The following FILIP1L variants were observed in gnomAD, a reference collection of about 807,000 sequenced individuals.
FILIP1L encodes the protein filamin A interacting protein 1 like.
In FILIP1L, 55 loss-of-function variants were observed where a neutral mutation model predicts 96.6. That is an observed-to-expected ratio of 0.57 (90% confidence interval 0.46 to 0.71). The LOEUF (loss-of-function observed/expected upper bound fraction) is 0.71, where lower values mean the gene tolerates loss of function less well. FILIP1L is among the 30% of genes least tolerant of loss of function. The pLI is 0.00. For missense variants in FILIP1L, 1,304 were observed against 1,321.2 expected (o/e 0.99, Z 0.20); for synonymous variants, 467 against 473.9 (o/e 0.99, Z 0.19).
chr3:99,861,748 C>G (rs1397293987), intron 4 of FILIP1L, among the ~76,000 whole-genome samples: 1 of 152,132 alleles, frequency 6.6e-6, no homozygotes, highest in Non-Finnish European at 1.5e-5. Flanking sequence ...TACCGAAGCA[C>G]CAATAGGAAC....
At chr3:99,832,018 G>A (rs1257674213) in intron 5 of FILIP1L, among the ~76,000 whole-genome samples, 8 of 152,166 alleles carry the variant, frequency 5.3e-5, no homozygotes, top group Non-Finnish European at 8.8e-5. Context: ...ACACTGATAC[G>A]TGTTGGTGAA....
intron 5 of FILIP1L, among the ~76,000 whole-genome samples, chr3:99,830,966 C>A (rs1232933652): frequency 3.3e-5 from 5 of 152,290 alleles, no homozygotes; most frequent in South Asian, 2.1e-4. Context: ...TTTAAGAGTG[C>A]TTCATGAAGA....
chr3:99,924,179 G>C (rs1707213854), intron 4 of FILIP1L, 51 bp downstream of exon 4: 1 of 1,475,406 alleles, frequency 6.8e-7, no homozygotes, highest in Non-Finnish European at 9.4e-7. Context: ...TGGTACAGTG[G>C]CCAGCTCATA....
At chr3:100,113,040 T>G (rs2066516479) in intron 1 of FILIP1L, among the ~76,000 whole-genome samples, 1 of 152,214 alleles carries the variant, frequency 6.6e-6, no homozygotes, top group South Asian at 2.1e-4. Context: ...TTTATGCATA[T>G]CTAATACACA....
intron 1 of FILIP1L, among the ~76,000 whole-genome samples, chr3:100,011,131 C>A (rs953706550): frequency 6.6e-6 from 1 of 152,016 alleles, no homozygotes; most frequent in Non-Finnish European, 1.5e-5. Flanking sequence ...ACAAAGGAGT[C>A]GTTTCATGAC....
At chr3:100,034,824 ACT>A (rs2065079633) in intron 1 of FILIP1L, among the ~76,000 whole-genome samples, 1 of 152,076 alleles carries the variant, frequency 6.6e-6, no homozygotes, top group South Asian at 2.1e-4. Flanking sequence ...GAGAATATCC[ACT>A]CTGATCAGTA....
intron 5 of FILIP1L, among the ~76,000 whole-genome samples, chr3:99,842,589 C>A (rs945359391): frequency 6.6e-6 from 1 of 151,172 alleles, no homozygotes; most frequent in Admixed American, 6.6e-5. Flanking sequence ...GAAGAACTCA[C>A]TAAAATAAGA....
chr3:99,840,031 T>C (rs903525314), intron 5 of FILIP1L, among the ~76,000 whole-genome samples: 9 of 152,012 alleles, frequency 5.9e-5, no homozygotes, highest in Admixed American at 2.6e-4. Flanking sequence ...ATTGTCACAG[T>C]TGGGGGATGC....
chr3:99,983,442 GTA>G (rs1559713546), intron 1 of FILIP1L, among the ~76,000 whole-genome samples: 9 of 12,014 alleles, frequency 7.5e-4, no homozygotes, highest in Non-Finnish European at 1.5e-3. Context: ...GTATATATAT[GTA>G]TGTATATATA....
chr3:100,015,205 A>C (rs527855395), intron 1 of FILIP1L, among the ~76,000 whole-genome samples: 43 of 151,876 alleles, frequency 2.8e-4, no homozygotes, highest in Non-Finnish European at 5.9e-4. Context: ...TTGACCCTAA[A>C]GATGTGGATT....
Position 99,830,120 on chromosome 3 carries a change from G to C in FILIP1L, c.*294C>G, listed in dbSNP as rs557741303. On this transcript the variant is annotated 3_prime_UTR_variant, in exon 6 of 6. Coordinates refer to ENST00000477258, the MANE Select transcript of FILIP1L (RefSeq NM_001387850.1). ...CTCTTGAACTGTTCTAGTGAATTCA[G>C]TCCTATCCCAGGCTGATTCTAGATA... 2 of 193,900 alleles carry C rather than the reference G, an allele frequency of 1.0e-5. No homozygotes were observed. Among genetic ancestry groups the C allele is most frequent in the Non-Finnish European group, 2.2e-5 (2 of 91,620 alleles). The allele number at this position is 193,900 out of a possible 1,614,324, so 12.0% of individuals were successfully genotyped here.
chr3:99,889,480 A>G, intron 4 of FILIP1L, among the ~76,000 whole-genome samples: 1 of 152,092 alleles, frequency 6.6e-6, no homozygotes, highest in East Asian at 1.9e-4. Context: ...TGAGTCTCAT[A>G]TAAATAACGT....
At chr3:99,838,576 G>C (rs1482879119) in intron 5 of FILIP1L, among the ~76,000 whole-genome samples, 1 of 152,142 alleles carries the variant, frequency 6.6e-6, no homozygotes, top group Non-Finnish European at 1.5e-5. Context: ...TAGACAATCT[G>C]TCTGTCACCA....
chr3:100,041,269 A>G (rs2065200645), intron 1 of FILIP1L: 1 of 152,178 alleles, frequency 6.6e-6, no homozygotes, highest in Non-Finnish European at 1.5e-5. Context: ...ATGGCTTTTT[A>G]TGGCTGGTTT....
At chr3:99,915,906 G>A (rs559241852) in intron 4 of FILIP1L, among the ~76,000 whole-genome samples, 1 of 152,184 alleles carries the variant, frequency 6.6e-6, no homozygotes, top group African/African-American at 2.4e-5. Context: ...CCAGTATAGG[G>A]TCTACATAAA....
At chr3:99,909,187 G>A (rs557704705) in intron 4 of FILIP1L, among the ~76,000 whole-genome samples, 1 of 152,278 alleles carries the variant, frequency 6.6e-6, no homozygotes, top group South Asian at 2.1e-4. Flanking sequence ...GACATGCAGG[G>A]AGACACCTGT....
chr3:99,995,905 G>A (rs538784065), intron 1 of FILIP1L, among the ~76,000 whole-genome samples: 2 of 152,304 alleles, frequency 1.3e-5, no homozygotes, highest in South Asian at 2.1e-4. Flanking sequence ...TTTTCTCGTA[G>A]GCCTCTGGGC....
intron 1 of FILIP1L, among the ~76,000 whole-genome samples, chr3:100,027,046 A>G (rs925255355): frequency 2.6e-5 from 4 of 151,956 alleles, no homozygotes; most frequent in African/African-American, 9.7e-5. Flanking sequence ...AGGTATCTCT[A>G]CGGCCCATTC....
intron 4 of FILIP1L, among the ~76,000 whole-genome samples, chr3:99,868,530 C>T (rs1944632293): frequency 6.6e-6 from 1 of 152,164 alleles, no homozygotes. Context: ...GGCACTGTGC[C>T]AACTGCTTCA....
Sources: gnomAD v4.1 joint callset for allele counts (sites outside exome capture counted in the v4.1 genomes callset) on GRCh38, gnomAD v4.1.1 for gene constraint, MANE v1.5 for transcripts, NCBI Gene and HGNC (gene_info 2026-07-23, HGNC 2026-07-21) for gene names.